The following CLSPN variants were observed in gnomAD, a reference collection of about 807,000 sequenced individuals.
The protein encoded by CLSPN is claspin homolog.
CLSPN carries 85 observed loss-of-function variants against 156.3 expected under a neutral mutation model. The observed-to-expected ratio is 0.54, with a 90% CI of 0.46 to 0.65. The LOEUF is 0.65. CLSPN is among the 30% of genes least tolerant of loss of function. The pLI, the probability that CLSPN is intolerant of heterozygous loss-of-function variation, is 0.00. For missense variants in CLSPN, 1,407 were observed against 1,554.9 expected, an observed-to-expected ratio of 0.90 and a Z score of 1.60; for synonymous variants, 534 against 542.4, an observed-to-expected ratio of 0.98 and a Z score of 0.22.
chr1:35,769,806 G>A (rs763741677), intron 1 of CLSPN, 41 bp downstream of exon 1: 10 of 1,574,914 alleles, frequency 6.3e-6, no homozygotes, highest in East Asian at 4.8e-5. Context: ...CTCGGTGCCC[G>A]GCCTTCTAAG....
chr1:35,720,233 T>A (rs1641040352), exon 25 of CLSPN: 1 of 152,126 alleles, frequency 6.6e-6, no homozygotes, highest in Non-Finnish European at 1.5e-5. Flanking sequence ...AAGAAATTTT[T>A]ATGATTATGA....
intron 1 of CLSPN, 69 bp from the exon 2 acceptor site, chr1:35,765,395 C>G: frequency 9.9e-7 from 1 of 1,011,536 alleles, no homozygotes; most frequent in Non-Finnish European, 1.5e-6. Flanking sequence ...TAATGACACA[C>G]AAATCATCGT....
intron 20 of CLSPN, 26 bp downstream of exon 20, chr1:35,739,110 G>C: frequency 6.2e-7 from 1 of 1,613,862 alleles, no homozygotes; most frequent in East Asian, 2.2e-5. Context: ...GTAACTGATT[G>C]CTTTTAAAGA....
At chr1:35,744,086 A>G (rs1018359701) in intron 16 of CLSPN, among the ~76,000 whole-genome samples, 1 of 152,202 alleles carries the variant, frequency 6.6e-6, no homozygotes, top group African/African-American at 2.4e-5. Flanking sequence ...AGCAATCTCC[A>G]GAACTCTTTT....
chr1:35,743,089 G>A, intron 18 of CLSPN, 52 bp downstream of exon 18: 1 of 1,450,658 alleles, frequency 6.9e-7, no homozygotes, highest in East Asian at 2.3e-5. Flanking sequence ...GCCTGGCCTA[G>A]TGACCAAATT....
chr1:35,740,112 A>G (rs1267060575), intron 18 of CLSPN, among the ~76,000 whole-genome samples: 1 of 152,186 alleles, frequency 6.6e-6, no homozygotes, highest in Non-Finnish European at 1.5e-5. Context: ...GGTTCAAACT[A>G]TTTCATTTTG....
intron 3 of CLSPN, 60 bp downstream of exon 3, chr1:35,764,206 G>A: frequency 9.3e-7 from 1 of 1,071,834 alleles, no homozygotes; most frequent in South Asian, 1.6e-5. Context: ...AGTACTAACA[G>A]CAACCTTTTC....
At chr1:35,727,908 A>G (rs1023778656), downstream of CLSPN, among the ~76,000 whole-genome samples, 2 of 152,148 alleles carry the variant, frequency 1.3e-5, no homozygotes, top group East Asian at 1.9e-4. Context: ...CAGGCCAGAA[A>G]GGGTCTTGGC....
In CLSPN at chr1:35,765,201, A is replaced by G. The variant is rs1330188138; in HGVS notation, c.133+17T>C. Reference sequence around the variant, plus strand: ...CTCCCGCAACCTATTCCTAAAAATAAAAGTACTATTACAAACCTCCTTCAC... The same window carrying G: ...CTCCCGCAACCTATTCCTAAAAATAGAAGTACTATTACAAACCTCCTTCAC... On this transcript the variant is annotated intron_variant, in intron 2 of 24. Coordinates refer to ENST00000318121, the MANE Select transcript of CLSPN (RefSeq NM_022111.4). The G allele has an allele frequency of 1.3e-6, 2 of 1,518,386 alleles. No homozygotes were observed. The highest frequency in any genetic ancestry group is 3.4e-5 in the Admixed American group (2 of 58,472). The allele number at this position is 1,518,386 out of a possible 1,614,324, so 94.1% of individuals were successfully genotyped here.
Position 35,737,397 on chromosome 1 carries a change from T to A in CLSPN, c.3689A>T (p.Glu1230Val). ...KNASRPMVIQ[E>V]SKSLLRNPFE... is the part of the protein sequence containing the mutation. Reference sequence around the variant, plus strand: ...AGGATTTCTGAGCAAAGACTTTGATTCCTGAATAACCATAGGGCGACTGGC... The same window carrying A: ...AGGATTTCTGAGCAAAGACTTTGATACCTGAATAACCATAGGGCGACTGGC... The change falls in exon 23 of 25, where the codon GAA becomes GTA. Residue 1230 changes from glutamate (E) to valine (V), a missense_variant. This residue lies in a region of CLSPN where 241 missense variants were observed against 240.5 expected (regional missense o/e 1.00). Coordinates refer to ENST00000318121, the MANE Select transcript of CLSPN (RefSeq NM_022111.4). 6.2e-7 allele frequency: 1 copy of A among 1,614,026 alleles called. No individual in the cohort carries two copies. The highest frequency in any genetic ancestry group is 8.5e-7 in the Non-Finnish European group (1 of 1,179,916).
At position 35,734,177 on chromosome 1, in the gene CLSPN, C is replaced by G; in HGVS notation, c.*2319G>C. ...GAGGGTTTCCCTGGGATGGAGATAA[C>G]CTGAAAATGAAATGCTCCTCAAGGT... On this transcript the variant is annotated 3_prime_UTR_variant, in exon 25 of 25. Transcript: ENST00000318121. The G allele has an allele frequency of 1.0e-6, 1 of 985,332 alleles. No homozygotes were observed. The highest frequency in any genetic ancestry group is 1.2e-6 in the Non-Finnish European group (1 of 829,920). 61.0% of individuals were successfully genotyped at this position (985,332 alleles called of 1,614,324 possible).
In CLSPN at chr1:35,751,492, C is replaced by G; in HGVS notation, c.1786G>C (p.Val596Leu). Residue 596 changes from valine (V) to leucine (L), a missense_variant, in exon 10 of 25, where the codon GTG becomes CTG. Coordinates refer to ENST00000318121, the MANE Select transcript of CLSPN (RefSeq NM_022111.4). Reference sequence around the variant, plus strand: ...GCTTCTTGCAGTTTAGCTTTTAACACCTGAAGCTTTTCACCTGAACAGAAA... The same window carrying G: ...GCTTCTTGCAGTTTAGCTTTTAACAGCTGAAGCTTTTCACCTGAACAGAAA... Reference protein sequence around the residue: ...SHTKPGEKLQVLKAKLQEAMK... With the variant: ...SHTKPGEKLQLLKAKLQEAMK... The G allele has an allele frequency of 1.2e-6, 2 of 1,613,278 alleles. No homozygotes were observed. Among genetic ancestry groups the G allele is most frequent in the Non-Finnish European group, 1.7e-6 (2 of 1,179,758 alleles).
rs1641370150 is a variant in CLSPN at position 35,733,480 on chromosome 1, TC to T, written c.*3015del. On this transcript the variant is annotated 3_prime_UTR_variant, in exon 25 of 25. Coordinates refer to ENST00000318121, the MANE Select transcript of CLSPN (RefSeq NM_022111.4). ...TATCCTCAGTTGTCAATTCCAATTG[TC>T]TTTTCTATCTCTCCTCAAAAGACAT... is the stretch of plus-strand genomic sequence containing the variant. 1 of 985,222 alleles carries T rather than the reference TC, an allele frequency of 1.0e-6. No homozygotes were observed. The highest frequency in any genetic ancestry group is 1.2e-6 in the Non-Finnish European group (1 of 829,906). The allele number at this position is 985,222 out of a possible 1,614,324, so 61.0% of individuals were successfully genotyped here. A position where few individuals can be genotyped will look rare whatever the true frequency, so the allele number is the denominator to read the frequency against.
intron 24 of CLSPN, among the ~76,000 whole-genome samples, chr1:35,721,973 T>C (rs1425743995): frequency 1.3e-5 from 2 of 151,596 alleles, no homozygotes; most frequent in Non-Finnish European, 2.9e-5. Flanking sequence ...ACCCCGTTTC[T>C]ACTAAAAATA....
chr1:35,721,867 G>A (rs1459865783), intron 24 of CLSPN, among the ~76,000 whole-genome samples: 1 of 151,938 alleles, frequency 6.6e-6, no homozygotes, highest in Non-Finnish European at 1.5e-5. Flanking sequence ...GGCCTGGTGT[G>A]GTGGCTCACA....
At chr1:35,744,466 G>A (rs1332004437) in intron 16 of CLSPN, among the ~76,000 whole-genome samples, 1 of 151,944 alleles carries the variant, frequency 6.6e-6, no homozygotes, top group East Asian at 1.9e-4. Flanking sequence ...GCTAATTTTA[G>A]TATTTTTTTT....
intron 6 of CLSPN, 36 bp from the exon 7 acceptor site, chr1:35,761,240 T>A: frequency 1.6e-6 from 2 of 1,248,024 alleles, no homozygotes; most frequent in Non-Finnish European, 2.3e-6. Flanking sequence ...ATATATATAC[T>A]GTATATTCTG....
At chr1:35,740,267 G>A (rs1002765777) in intron 18 of CLSPN, among the ~76,000 whole-genome samples, 44 of 152,064 alleles carry the variant, frequency 2.9e-4, no homozygotes, top group African/African-American at 8.2e-4. Flanking sequence ...TAATCAAAAC[G>A]ACTAGTTACT....
chr1:35,735,214 G>T lies in CLSPN; in HGVS notation c.*1282C>A. 1 of 985,450 alleles carries T rather than the reference G, an allele frequency of 1.0e-6. No homozygotes were observed. Among genetic ancestry groups the T allele is most frequent in the Non-Finnish European group, 1.2e-6 (1 of 829,940 alleles). 61.0% of individuals were successfully genotyped at this position (985,450 alleles called of 1,614,324 possible). A position where few individuals can be genotyped will look rare whatever the true frequency, so the allele number is the denominator to read the frequency against. ...AGACTGTGGTGGACAAACACTGGGT[G>T]TAACACTTTATCTTCATCCCCAAGC... On this transcript the variant is annotated 3_prime_UTR_variant, in exon 25 of 25. Transcript: ENST00000318121.
Sources: gnomAD v4.1 joint callset for allele counts (sites outside exome capture counted in the v4.1 genomes callset) on GRCh38, gnomAD v4.1.1 for gene constraint, gnomAD v4.1.1 regional missense constraint, MANE v1.5 for transcripts, NCBI Gene and HGNC (gene_info 2026-07-23, HGNC 2026-07-21) for gene names.